The following SUMF1 variants were observed in gnomAD, a reference collection of about 807,000 sequenced individuals.
SUMF1 encodes sulfatase modifying factor 1, also known as formylglycine-generating enzyme.
In SUMF1, 48 loss-of-function variants were observed where a neutral mutation model predicts 47.6. That is an observed-to-expected ratio of 1.01 (90% confidence interval 0.80 to 1.28). SUMF1 has a LOEUF of 1.28. Among genes scored for constraint, SUMF1 ranks in the 50% most tolerant of loss-of-function variants. The pLI is 0.00. For missense variants in SUMF1, 571 were observed against 485.4 expected (o/e 1.18, Z -1.66); for synonymous variants, 230 against 192.1 (o/e 1.20, Z -1.63).
chr3:4,292,851 C>A (rs543641907), intron 8 of SUMF1, among the ~76,000 whole-genome samples: 3 of 152,266 alleles, frequency 2.0e-5, no homozygotes, highest in African/African-American at 7.2e-5. Flanking sequence ...TGAAAAAAGA[C>A]ACACATATTT....
intron 8 of SUMF1, among the ~76,000 whole-genome samples, chr3:4,176,026 T>A (rs186137910): frequency 1.3e-4 from 20 of 152,156 alleles, no homozygotes; most frequent in African/African-American, 4.8e-4. Context: ...CTCCAAGAAA[T>A]ATGGGACTAT....
chr3:4,303,535 G>A, intron 8 of SUMF1: 3 of 1,371,302 alleles, frequency 2.2e-6, no homozygotes, highest in Non-Finnish European at 2.8e-6. Flanking sequence ...AGGTAGGGGC[G>A]GGGCCAGGCG....
rs79216428 is a variant in SUMF1, at chr3:4,044,795, C to A, written c.1191+23774G>T. Among the ~76,000 whole-genome samples, 1,508 of 152,328 alleles carry A rather than the reference C, an allele frequency of 9.9e-3. 28 individuals are homozygous for A. The highest frequency in any genetic ancestry group is 0.035 in the African/African-American group (1,451 of 41,562). On this transcript the variant is annotated intron_variant and NMD_transcript_variant, in intron 9 of 12. Transcript: ENST00000448413. ...TTCTCACACTCTTTTGGCTGCCTTG[C>A]AGGCAATAACTTTCTTCACTATTCT...
intron 8 of SUMF1, among the ~76,000 whole-genome samples, chr3:4,155,553 G>T (rs571591268): frequency 6.6e-6 from 1 of 151,272 alleles, no homozygotes; most frequent in Non-Finnish European, 1.5e-5. Context: ...AGAAAATAGC[G>T]GCAGTACAAA....
At chr3:4,230,015 A>G (rs1696263877) in intron 8 of SUMF1, among the ~76,000 whole-genome samples, 1 of 151,860 alleles carries the variant, frequency 6.6e-6, no homozygotes, top group Non-Finnish European at 1.5e-5. Flanking sequence ...CTTGTCACCA[A>G]AAAAAAAGAA....
chr3:4,442,412 C>T (rs1443965186), intron 3 of SUMF1, among the ~76,000 whole-genome samples: 1 of 74,288 alleles, frequency 1.3e-5, no homozygotes, highest in Admixed American at 1.7e-4. Flanking sequence ...CCCAACACCA[C>T]GCCCGGCTAA....
chr3:4,200,169 T>A (rs563037341), intron 8 of SUMF1, among the ~76,000 whole-genome samples: 49 of 146,228 alleles, frequency 3.4e-4, no homozygotes, highest in African/African-American at 1.1e-3. Flanking sequence ...GAGGTAAGCA[T>A]CAAGATTTTT....
intron 8 of SUMF1, among the ~76,000 whole-genome samples, chr3:4,131,120 T>C (rs749217266): frequency 1.3e-5 from 2 of 152,160 alleles, no homozygotes; most frequent in African/African-American, 2.4e-5. Flanking sequence ...CTATGCGTCA[T>C]CAAGTCACCA....
intron 4 of SUMF1, among the ~76,000 whole-genome samples, chr3:4,419,468 C>G (rs147309853): frequency 6.6e-6 from 1 of 152,184 alleles, no homozygotes; most frequent in African/African-American, 2.4e-5. Context: ...ATGCTGAGTC[C>G]TAACCCAAAC....
At chr3:4,095,768 C>T (rs2125056986) in intron 8 of SUMF1, among the ~76,000 whole-genome samples, 1 of 152,202 alleles carries the variant, frequency 6.6e-6, no homozygotes, top group Admixed American at 6.5e-5. Context: ...AAGCTGGTCC[C>T]AGTGACCTCT....
chr3:4,447,065 G>A (rs1051072447), intron 3 of SUMF1, among the ~76,000 whole-genome samples: 1 of 152,182 alleles, frequency 6.6e-6, no homozygotes, highest in Admixed American at 6.5e-5. Flanking sequence ...TGCTGGGGTA[G>A]GCAGAAAAAT....
chr3:4,200,555 T>TA (rs942100875), intron 8 of SUMF1, among the ~76,000 whole-genome samples: 4 of 152,090 alleles, frequency 2.6e-5, no homozygotes, highest in Non-Finnish European at 5.9e-5. Flanking sequence ...CGCTCAAACT[T>TA]AGAGTTACAC....
intron 8 of SUMF1, among the ~76,000 whole-genome samples, chr3:4,193,903 G>C (rs965666472): frequency 6.6e-6 from 1 of 152,068 alleles, no homozygotes; most frequent in Non-Finnish European, 1.5e-5. Flanking sequence ...ACGTAAAACA[G>C]TATATGACAT....
intron 8 of SUMF1, among the ~76,000 whole-genome samples, chr3:4,305,242 C>T (rs314441): frequency 0.063 from 9,589 of 152,144 alleles, 549 homozygotes; most frequent in South Asian, 0.33. Context: ...CCTACAACCA[C>T]GCCCAGCTGA....
chr3:4,160,636 C>A (rs1694554530), intron 8 of SUMF1, among the ~76,000 whole-genome samples: 1 of 152,008 alleles, frequency 6.6e-6, no homozygotes, highest in Admixed American at 6.6e-5. Flanking sequence ...ATGTCAATTG[C>A]ATTTTCAACT....
intron 8 of SUMF1, chr3:4,313,051 G>C (rs754790086): frequency 1.2e-6 from 2 of 1,613,942 alleles, no homozygotes; most frequent in Admixed American, 3.3e-5. Flanking sequence ...ATGCCTTAGA[G>C]ATATAGGATC....
intron 8 of SUMF1, among the ~76,000 whole-genome samples, chr3:4,333,066 C>A (rs2125130463): frequency 6.6e-6 from 1 of 152,332 alleles, no homozygotes. Context: ...TGCTGAGAGC[C>A]ACCTCCAACC....
chr3:4,038,668 T>C (rs1694848860), intron 9 of SUMF1, among the ~76,000 whole-genome samples: 3 of 152,140 alleles, frequency 2.0e-5, no homozygotes, highest in African/African-American at 7.2e-5. Context: ...GATAGTGGCA[T>C]GCTGTAAGCT....
At chr3:4,055,796 T>C (rs537509031) in intron 9 of SUMF1, among the ~76,000 whole-genome samples, 4 of 152,338 alleles carry the variant, frequency 2.6e-5, no homozygotes, top group African/African-American at 9.6e-5. Context: ...CACTTAGTTC[T>C]ATAGTTCAGA....
Sources: allele counts gnomAD v4.1 joint callset (sites outside exome capture counted in the v4.1 genomes callset), GRCh38; gene constraint gnomAD v4.1.1; transcripts MANE v1.5; gene names NCBI Gene and HGNC (gene_info 2026-07-23, HGNC 2026-07-21).